Variants in CRISPLD2 observed in about 807,000 individuals in gnomAD.
CRISPLD2 encodes cysteine rich secretory protein LCCL domain containing 2.
CRISPLD2 carries 47 observed loss-of-function variants against 71.1 expected under a neutral mutation model. That is an observed-to-expected ratio of 0.66 (90% CI 0.52 to 0.84). The LOEUF is 0.84. CRISPLD2 is among the 40% of genes least tolerant of loss of function. The pLI is 0.00. For synonymous variants in CRISPLD2, 317 were observed against 250.1 expected, an observed-to-expected ratio of 1.27 and a Z score of -2.52; for missense variants, 830 against 651.1, an observed-to-expected ratio of 1.27 and a Z score of -2.99.
At chr16:84,849,896 T>A (rs932917212) in intron 4 of CRISPLD2, among the ~76,000 whole-genome samples, 3 of 150,460 alleles carry the variant, frequency 2.0e-5, no homozygotes, top group Non-Finnish European at 4.4e-5. Context: ...TTTTGTATTT[T>A]TTTTTTTTTT....
chr16:84,900,116 G>A (rs1406247978), intron 14 of CRISPLD2, among the ~76,000 whole-genome samples: 1 of 152,154 alleles, frequency 6.6e-6, no homozygotes, highest in Non-Finnish European at 1.5e-5. Context: ...GGAGCCACCT[G>A]CGGCCAAGCG....
chr16:84,844,090 C>T (rs993057128), intron 2 of CRISPLD2, among the ~76,000 whole-genome samples: 2 of 152,234 alleles, frequency 1.3e-5, no homozygotes, highest in Non-Finnish European at 2.9e-5. Flanking sequence ...GGGAGGACTC[C>T]AGGGAGGAAG....
intron 8 of CRISPLD2, 59 bp from the exon 9 acceptor site, chr16:84,872,383 A>T: frequency 7.4e-7 from 1 of 1,350,766 alleles, no homozygotes; most frequent in Non-Finnish European, 1.1e-6. Context: ...TGATAAACTC[A>T]TTGTGAGATG....
intron 8 of CRISPLD2, among the ~76,000 whole-genome samples, chr16:84,871,554 T>G (rs2071469209): frequency 6.6e-6 from 1 of 152,070 alleles, no homozygotes; most frequent in Admixed American, 6.6e-5. Flanking sequence ...TTTGTTTGTT[T>G]GTTTGTTGGT....
chr16:84,849,962 G>A (rs1917037846), intron 4 of CRISPLD2, among the ~76,000 whole-genome samples: 1 of 151,082 alleles, frequency 6.6e-6, no homozygotes, highest in African/African-American at 2.4e-5. Context: ...CTGGGCTCAT[G>A]CAATCCTCCC....
chr16:84,846,123 T>C, intron 3 of CRISPLD2: 1 of 404,224 alleles, frequency 2.5e-6, no homozygotes, highest in Non-Finnish European at 4.4e-6. Flanking sequence ...ACACTGATGA[T>C]TGATTAAAGT....
intron 1 of CRISPLD2, among the ~76,000 whole-genome samples, chr16:84,832,603 G>T (rs137868394): frequency 3.3e-5 from 5 of 152,250 alleles, no homozygotes; most frequent in Non-Finnish European, 5.9e-5. Flanking sequence ...CGTGCTCCTC[G>T]GGCTGAGTCT....
At chr16:84,891,642 T>G (rs1313406866) in intron 14 of CRISPLD2, among the ~76,000 whole-genome samples, 1 of 152,018 alleles carries the variant, frequency 6.6e-6, no homozygotes, top group Admixed American at 6.5e-5. Context: ...AAAACAGTCT[T>G]CCTGAGCAGC....
intron 6 of CRISPLD2, among the ~76,000 whole-genome samples, chr16:84,862,707 C>T (rs1917419012): frequency 7.0e-6 from 1 of 143,764 alleles, no homozygotes; most frequent in Admixed American, 7.1e-5. Flanking sequence ...CGTGGCTCCA[C>T]TGGCAGCCTT....
chr16:84,894,701 G>A (rs2071691001), intron 14 of CRISPLD2, among the ~76,000 whole-genome samples: 1 of 152,182 alleles, frequency 6.6e-6, no homozygotes, highest in South Asian at 2.1e-4. Context: ...ATTTCAGTAT[G>A]TAATCAATAG....
At chr16:84,850,344 C>G (rs1917050722) in intron 4 of CRISPLD2, among the ~76,000 whole-genome samples, 1 of 152,134 alleles carries the variant, frequency 6.6e-6, no homozygotes, top group Non-Finnish European at 1.5e-5. Context: ...CCACCTCAGC[C>G]TCCCAAAATG....
chr16:84,831,769 G>C (rs565561136), intron 1 of CRISPLD2, among the ~76,000 whole-genome samples: 4 of 151,920 alleles, frequency 2.6e-5, no homozygotes, highest in Non-Finnish European at 4.4e-5. Flanking sequence ...GAGTCTTGCC[G>C]TGTCACCCAG....
chr16:84,833,010 G>T (rs1916525028), intron 1 of CRISPLD2, among the ~76,000 whole-genome samples: 1 of 152,220 alleles, frequency 6.6e-6, no homozygotes, highest in South Asian at 2.1e-4. Context: ...CAAACAAGCT[G>T]TGTTGAAAGT....
chr16:84,872,844 A>C, intron 9 of CRISPLD2, 148 bp from the exon 10 acceptor site: 2 of 1,003,210 alleles, frequency 2.0e-6, no homozygotes, highest in Non-Finnish European at 2.9e-6. Context: ...ATGTGGTTAC[A>C]GACAGAGGCG....
At chr16:84,833,581 C>T (rs1343407388) in intron 1 of CRISPLD2, among the ~76,000 whole-genome samples, 1 of 152,106 alleles carries the variant, frequency 6.6e-6, no homozygotes, top group Admixed American at 6.5e-5. Flanking sequence ...TACCGAAGTG[C>T]ACTCGGGGCA....
intron 11 of CRISPLD2, 135 bp from the exon 12 acceptor site, chr16:84,877,303 G>GTC: frequency 1.4e-6 from 1 of 698,098 alleles, no homozygotes; most frequent in Non-Finnish European, 2.4e-6. Flanking sequence ...AGCCTGCTGG[G>GTC]TCGTAGTCCC....
intron 6 of CRISPLD2, among the ~76,000 whole-genome samples, chr16:84,866,479 G>A (rs372657351): frequency 4.6e-5 from 7 of 152,190 alleles, no homozygotes; most frequent in African/African-American, 9.6e-5. Flanking sequence ...CAGGTGATCC[G>A]CCCACCTCAG....
chr16:84,891,105 C>T (rs2071658288), intron 14 of CRISPLD2, among the ~76,000 whole-genome samples: 1 of 152,164 alleles, frequency 6.6e-6, no homozygotes, highest in South Asian at 2.1e-4. Flanking sequence ...AATACAGTCA[C>T]ATTCTGAGGT....
intron 5 of CRISPLD2, among the ~76,000 whole-genome samples, chr16:84,853,426 C>T (rs1305385227): frequency 1.3e-5 from 2 of 152,170 alleles, no homozygotes; most frequent in Admixed American, 6.5e-5. Flanking sequence ...ATTCTGCCTC[C>T]GGAATGTGAG....
Sources: allele counts gnomAD v4.1 joint callset (sites outside exome capture counted in the v4.1 genomes callset), GRCh38; gene constraint gnomAD v4.1.1; transcripts MANE v1.5; gene names NCBI Gene and HGNC (gene_info 2026-07-23, HGNC 2026-07-21).